PTPRM: variants seen among roughly 807,000 people sequenced by gnomAD.
The protein encoded by PTPRM is receptor-type tyrosine-protein phosphatase mu.
Under a neutral mutation model 186.7 loss-of-function variants are expected in PTPRM, and 47 were observed. That is an observed-to-expected ratio of 0.25 (90% CI 0.20 to 0.32). PTPRM has a LOEUF of 0.32. Ranked by LOEUF, PTPRM falls within the 10% of genes least tolerant of loss-of-function variation. PTPRM has a pLI of 1.00. For synonymous variants in PTPRM, 668 were observed against 674.9 expected (o/e 0.99, Z 0.16); for missense variants, 1,494 against 1,865.0 (o/e 0.80, Z 3.66).
At chr18:8,144,425 C>T (rs1183228946) in intron 14 of PTPRM, among the ~76,000 whole-genome samples, 2 of 152,120 alleles carry the variant, frequency 1.3e-5, no homozygotes. Flanking sequence ...AGTTCGAGAC[C>T]AGCCTGGGCA....
chr18:7,636,316 G>A (rs2038311307), intron 1 of PTPRM, among the ~76,000 whole-genome samples: 2 of 152,154 alleles, frequency 1.3e-5, no homozygotes, highest in African/African-American at 2.4e-5. Flanking sequence ...TGGCTTAGTT[G>A]CAGGCCTCCA....
intron 13 of PTPRM, among the ~76,000 whole-genome samples, chr18:8,130,047 A>G (rs1305273100): frequency 6.6e-6 from 1 of 152,136 alleles, no homozygotes; most frequent in Admixed American, 6.6e-5. Context: ...GTCTTCTAAG[A>G]TTCTATCATG....
chr18:7,683,844 G>A (rs951156990), intron 1 of PTPRM, among the ~76,000 whole-genome samples: 13 of 152,106 alleles, frequency 8.5e-5, no homozygotes, highest in African/African-American at 2.9e-4. Context: ...TTACCTGGAG[G>A]CTCTGGGGAA....
intron 26 of PTPRM, chr18:8,377,818 T>C (rs2095706345): frequency 6.5e-6 from 1 of 153,760 alleles, no homozygotes; most frequent in African/African-American, 2.4e-5. Flanking sequence ...TTAACTTTTA[T>C]GTTCTGAAAT....
intron 32 of PTPRM, among the ~76,000 whole-genome samples, chr18:8,399,023 C>A (rs573697870): frequency 3.6e-4 from 55 of 152,208 alleles, no homozygotes; most frequent in African/African-American, 1.2e-3. Context: ...TGTTAAAGTA[C>A]AAAATTACAA....
intron 12 of PTPRM, 99 bp downstream of exon 12, chr18:8,113,858 G>T: frequency 8.5e-7 from 1 of 1,175,868 alleles, no homozygotes; most frequent in Non-Finnish European, 1.2e-6. Context: ...ATGCTTTTCT[G>T]CATTTCTACT....
At chr18:7,905,990 T>G (rs1237563237) in intron 3 of PTPRM, among the ~76,000 whole-genome samples, 2 of 152,218 alleles carry the variant, frequency 1.3e-5, no homozygotes, top group African/African-American at 2.4e-5. Context: ...TAACATACAG[T>G]GCAACCTTAA....
At position 8,376,092 on chromosome 18, in the gene PTPRM, G is replaced by C. The variant is rs1363731923; in HGVS notation, c.3218G>C (p.Gly1073Ala). The change falls in exon 25 of 33, where the codon GGC (glycine) becomes GCC (alanine). Residue 1073 changes from glycine (G) to alanine (A), a missense_variant. This residue lies in a region of PTPRM where 1,107 missense variants were observed against 1,350.2 expected (regional missense o/e 0.82). Transcript: ENST00000580170. Reference protein sequence around the residue: ...IREIRQFHFTGWPDHGVPYHA... With the variant: ...IREIRQFHFTAWPDHGVPYHA... ...GAGATCAGACAGTTTCACTTCACTG[G>C]CTGGCCGGATCATGGGGTCCCCTAC... is the stretch of plus-strand genomic sequence containing the variant. 1 of 1,613,746 alleles carries C rather than the reference G, an allele frequency of 6.2e-7. No individual in the cohort carries two copies. The highest frequency in any genetic ancestry group is 8.5e-7 in the Non-Finnish European group (1 of 1,179,828).
chr18:7,796,913 CCAAA>C (rs1440235821), intron 2 of PTPRM, among the ~76,000 whole-genome samples: 6 of 152,116 alleles, frequency 3.9e-5, no homozygotes, highest in Non-Finnish European at 8.8e-5. Flanking sequence ...CTTTTAGGGA[CCAAA>C]CAATTATTAC....
chr18:7,673,869 A>G (rs1320743823), intron 1 of PTPRM, among the ~76,000 whole-genome samples: 1 of 152,234 alleles, frequency 6.6e-6, no homozygotes, highest in Non-Finnish European at 1.5e-5. Flanking sequence ...GGTGAGCCAC[A>G]CGGCCTTTGG....
intron 1 of PTPRM, among the ~76,000 whole-genome samples, chr18:7,659,948 G>T (rs2038940424): frequency 6.6e-6 from 1 of 152,200 alleles, no homozygotes; most frequent in Admixed American, 6.5e-5. Flanking sequence ...AGAGGGCTCT[G>T]TGGACAGTTT....
At chr18:8,365,492 G>T (rs73382293) in intron 23 of PTPRM, among the ~76,000 whole-genome samples, 4,670 of 152,320 alleles carry the variant, frequency 0.031, 248 homozygotes, top group African/African-American at 0.11. Flanking sequence ...TCTTGAAAAT[G>T]AGTGTTTGGA....
chr18:7,683,513 T>A (rs1198644440), intron 1 of PTPRM, among the ~76,000 whole-genome samples: 1 of 152,046 alleles, frequency 6.6e-6, no homozygotes, highest in Admixed American at 6.6e-5. Flanking sequence ...TTCCTTTCTT[T>A]CTTCATCTTC....
At chr18:8,140,125 G>GC (rs2092729958) in intron 13 of PTPRM, among the ~76,000 whole-genome samples, 1 of 152,144 alleles carries the variant, frequency 6.6e-6, no homozygotes, top group Non-Finnish European at 1.5e-5. Context: ...CTCCCTTTGG[G>GC]AAAGCTTCCC....
rs116265565 is a variant in PTPRM at position 8,262,433 on chromosome 18, T to C, written c.2754+9019T>C. 7.1e-3 allele frequency among the ~76,000 whole-genome samples: 1,075 copies of C among 152,350 alleles called. 7 individuals carry two copies. The highest frequency in any genetic ancestry group is 0.024 in the African/African-American group (1,018 of 41,580). The stretch of plus-strand genomic sequence containing the variant: ...AGACCTCACTCTGTGTTTCAGACTT[T>C]CGTTGTAATGCAGGTGCTTCCCACC... On this transcript the variant is annotated intron_variant, in intron 19 of 32. Transcript: ENST00000580170.
At chr18:7,614,628 C>CAAA (rs2037757512) in intron 1 of PTPRM, among the ~76,000 whole-genome samples, 1 of 152,158 alleles carries the variant, frequency 6.6e-6, no homozygotes, top group Admixed American at 6.5e-5. Flanking sequence ...TCATCCCCAA[C>CAAA]CAAAACATCC....
At chr18:7,596,622 G>A (rs1055603834) in intron 1 of PTPRM, among the ~76,000 whole-genome samples, 5 of 152,092 alleles carry the variant, frequency 3.3e-5, no homozygotes, top group Non-Finnish European at 5.9e-5. Context: ...AAAAAACATG[G>A]TATATATAGG....
chr18:8,346,616 T>C (rs2095506646), intron 23 of PTPRM, among the ~76,000 whole-genome samples: 1 of 152,136 alleles, frequency 6.6e-6, no homozygotes. Flanking sequence ...TTAATGGGGT[T>C]CTCGTAAAGA....
intron 14 of PTPRM, among the ~76,000 whole-genome samples, chr18:8,234,224 T>C (rs371157300): frequency 1.3e-3 from 195 of 152,316 alleles, no homozygotes; most frequent in African/African-American, 4.3e-3. Context: ...GTGGACAATA[T>C]TAAATCTTTC....
Sources: allele counts gnomAD v4.1 joint callset (sites outside exome capture counted in the v4.1 genomes callset), GRCh38; gene constraint gnomAD v4.1.1; regional missense constraint gnomAD v4.1.1; transcripts MANE v1.5; gene names NCBI Gene and HGNC (gene_info 2026-07-23, HGNC 2026-07-21).